Variants in GALNT18 observed in about 807,000 individuals in gnomAD.
The protein encoded by GALNT18 is polypeptide N-acetylgalactosaminyltransferase 18.
In GALNT18, 44 loss-of-function variants were observed where a neutral mutation model predicts 69.5. The ratio of observed to expected loss-of-function variants is 0.63; its 90% CI spans 0.50 to 0.81. The LOEUF (loss-of-function observed/expected upper bound fraction) is 0.81, where lower values mean the gene tolerates loss of function less well. Ranked by LOEUF, GALNT18 falls within the 40% of genes least tolerant of loss-of-function variation. The probability of loss-of-function intolerance (pLI) is 0.00; values close to 1 mark genes in which losing one functional copy is unlikely to be tolerated. For missense variants in GALNT18, 715 were observed against 810.0 expected (o/e 0.88, Z 1.42); for synonymous variants, 364 against 318.2 (o/e 1.14, Z -1.53).
Position 11,315,546 on chromosome 11 carries a change from T to C in GALNT18, c.1512+11540A>G, listed in dbSNP as rs372954132. Among the ~76,000 whole-genome samples, 77 of 152,216 alleles carry C rather than the reference T, an allele frequency of 5.1e-4. 3 individuals are homozygous for C. The South Asian group carries it at 0.015, about 30-fold the overall frequency. ...CAGGTTTTCAGCCCAACTCTTAGCC[T>C]CCGATGTCCCCTTTCTTCACCCGTG... is the stretch of plus-strand genomic sequence containing the variant. On this transcript the variant is annotated intron_variant, in intron 9 of 10. Coordinates refer to ENST00000227756, the MANE Select transcript of GALNT18 (RefSeq NM_198516.3). The surrounding 1 kb of genome is among the most constrained non-coding windows in gnomAD (Gnocchi z 5.6).
Position 11,315,996 on chromosome 11 carries a change from G to A in GALNT18, c.1512+11090C>T, listed in dbSNP as rs12419084. ...GACATGAATGGTGGCCCCTGGAACC[G>A]TGCGAGGTGACAGCTCAGAGGACAA... On this transcript the variant is annotated intron_variant, in intron 9 of 10. Transcript: ENST00000227756. The surrounding 1 kb of genome is among the most constrained non-coding windows in gnomAD (Gnocchi z 5.6). Among the ~76,000 whole-genome samples the A allele has an allele frequency of 0.24, 36,945 of 152,096 alleles. 4,757 individuals carry two copies. The highest frequency in any genetic ancestry group is 0.26 in the Non-Finnish European group (17,702 of 67,996).
chr11:11,336,690 CTG>C (rs747706071), intron 7 of GALNT18, among the ~76,000 whole-genome samples: 1 of 152,160 alleles, frequency 6.6e-6, no homozygotes, highest in Non-Finnish European at 1.5e-5. Context: ...CCTAGGGAAA[CTG>C]TGTGAAGCAT....
At position 11,270,957 on chromosome 11, in the gene GALNT18, ATACCATCACC is replaced by A. The variant is rs1449859329; in HGVS notation, c.*177_*186del. ...TACAACTGCAAAATAGTTTGATATC[ATACCATCACC>A]TACCAATCAGCATCTTTCTATAAAC... is the stretch of plus-strand genomic sequence containing the variant. On this transcript the variant is annotated 3_prime_UTR_variant, in exon 11 of 11. Transcript: ENST00000227756. 2.0e-6 allele frequency: 1 copy of A among 501,986 alleles called. No individual in the cohort carries two copies. Among genetic ancestry groups the A allele is most frequent in the East Asian group, 2.9e-5 (1 of 34,734 alleles). The allele number at this position is 501,986 out of a possible 1,614,324, so 31.1% of individuals were successfully genotyped here.
rs1049948471 is a variant in GALNT18, at chr11:11,387,462, C to G, written c.596-8198G>C. Among the ~76,000 whole-genome samples, 5 of 152,182 alleles carry G rather than the reference C, an allele frequency of 3.3e-5. No homozygotes were observed. The highest frequency in any genetic ancestry group is 7.3e-5 in the Non-Finnish European group (5 of 68,034). ...ACACCCCACCCACACCCCCACTAAT[C>G]CACCTCCCACTGACAAGTGCAATTA... On this transcript the variant is annotated intron_variant, in intron 3 of 10. Coordinates refer to ENST00000227756, the MANE Select transcript of GALNT18 (RefSeq NM_198516.3). The surrounding 1 kb of genome is among the most constrained non-coding windows in gnomAD (Gnocchi z 4.6).
chr11:11,615,294 C>A (rs1232869347), intron 1 of GALNT18, among the ~76,000 whole-genome samples: 2 of 152,140 alleles, frequency 1.3e-5, no homozygotes, highest in Non-Finnish European at 2.9e-5. Context: ...TCTTAGCAAC[C>A]ATAAATGATT....
At chr11:11,297,083 C>T (rs773137030) in intron 9 of GALNT18, among the ~76,000 whole-genome samples, 1 of 152,032 alleles carries the variant, frequency 6.6e-6, no homozygotes, top group Non-Finnish European at 1.5e-5. Flanking sequence ...ATCTGGAATG[C>T]CTGGAGACAT....
intron 6 of GALNT18, among the ~76,000 whole-genome samples, chr11:11,349,373 CTG>C (rs1850358430): frequency 6.6e-6 from 1 of 152,182 alleles, no homozygotes; most frequent in Admixed American, 6.5e-5. Flanking sequence ...AAAAGTGACA[CTG>C]TTCCAAATAA....
chr11:11,379,762 C>T (rs576907308), intron 3 of GALNT18, among the ~76,000 whole-genome samples: 1 of 152,346 alleles, frequency 6.6e-6, no homozygotes, highest in East Asian at 1.9e-4. Flanking sequence ...CCGCTCTCTG[C>T]CTGGATCTCC....
Position 11,480,668 on chromosome 11 carries a change from A to T in GALNT18, c.236-31732T>A, listed in dbSNP as rs1426870212. Among the ~76,000 whole-genome samples, 2 of 152,186 alleles carry T rather than the reference A, an allele frequency of 1.3e-5. No homozygotes were observed. Among genetic ancestry groups the T allele is most frequent in the East Asian group, 3.9e-4 (2 of 5,194 alleles). Reference sequence around the variant, plus strand: ...GGGGATCACTGAGAGCAGAGAAGTGACATTGAGAGGCTGGCTTCAGCCTCC... The same window carrying T: ...GGGGATCACTGAGAGCAGAGAAGTGTCATTGAGAGGCTGGCTTCAGCCTCC... On this transcript the variant is annotated intron_variant, in intron 1 of 10. Transcript: ENST00000227756. The surrounding 1 kb of genome is among the most constrained non-coding windows in gnomAD (Gnocchi z 4.6).
At chr11:11,360,911 A>G (rs530439125) in intron 6 of GALNT18, among the ~76,000 whole-genome samples, 1 of 152,232 alleles carries the variant, frequency 6.6e-6, no homozygotes, top group Non-Finnish European at 1.5e-5. Flanking sequence ...TAAAAGGTGT[A>G]GCAGGTTGAG....
At chr11:11,352,608 AG>A in intron 6 of GALNT18, 1 of 1,614,216 alleles carries the variant, frequency 6.2e-7, no homozygotes, top group South Asian at 1.1e-5. Flanking sequence ...TATTAGTCGT[AG>A]CTTTCTGTGC....
chr11:11,434,043 G>A (rs1001099633), intron 2 of GALNT18, among the ~76,000 whole-genome samples: 1 of 152,024 alleles, frequency 6.6e-6, no homozygotes, highest in Admixed American at 6.6e-5. Context: ...TGCAGAATAG[G>A]AATGGGCCTG....
intron 10 of GALNT18, among the ~76,000 whole-genome samples, chr11:11,274,023 C>G (rs929729735): frequency 1.3e-5 from 2 of 152,096 alleles, no homozygotes; most frequent in Non-Finnish European, 1.5e-5. Context: ...GTGGGTGTAG[C>G]CCACGGAGGA....
chr11:11,381,253 T>C (rs982605160), intron 3 of GALNT18, among the ~76,000 whole-genome samples: 1 of 152,288 alleles, frequency 6.6e-6, no homozygotes, highest in East Asian at 1.9e-4. Flanking sequence ...TTTTGAAAAA[T>C]TTAAATAGAG....
chr11:11,565,398 T>TA (rs1207053221), intron 1 of GALNT18, among the ~76,000 whole-genome samples: 2 of 152,202 alleles, frequency 1.3e-5, no homozygotes, highest in Non-Finnish European at 2.9e-5. Context: ...AGGGTTCTGG[T>TA]ATGCCTGTGG....
At chr11:11,311,433 T>C (rs1849672959) in intron 9 of GALNT18, among the ~76,000 whole-genome samples, 1 of 152,146 alleles carries the variant, frequency 6.6e-6, no homozygotes, top group Admixed American at 6.5e-5. Flanking sequence ...TGCAAGACCA[T>C]TTTGAATGGG....
Position 11,389,683 on chromosome 11 carries a change from A to G in GALNT18, c.596-10419T>C, listed in dbSNP as rs2133712149. On this transcript the variant is annotated intron_variant, in intron 3 of 10. Transcript: ENST00000227756. This position sits in a 1 kb window ranked among gnomAD's most constrained non-coding sequence, Gnocchi z 4.3. ...GAGTACTGAGAAGAGTCCTCCCATG[A>G]GCTTCTAGGGAGGGCGTACCAAGAA... Among the ~76,000 whole-genome samples the G allele has an allele frequency of 6.6e-6, 1 of 152,224 alleles. No homozygotes were observed. Among genetic ancestry groups the G allele is most frequent in the East Asian group, 1.9e-4 (1 of 5,160 alleles).
chr11:11,434,702 C>T (rs1006015546), intron 2 of GALNT18, among the ~76,000 whole-genome samples: 1 of 151,812 alleles, frequency 6.6e-6, no homozygotes, highest in African/African-American at 2.4e-5. Context: ...GAGGAGGGAA[C>T]CAGCTGATTT....
rs145122557 is a variant in GALNT18, at chr11:11,383,816, C to CCT, written c.596-4554_596-4553dup. The stretch of plus-strand genomic sequence containing the variant: ...ATCTGATGGTTTAAGTGTGGCACTT[C>CCT]CTCTCTCTCTCTCTCTCTCTCTCTG... On this transcript the variant is annotated intron_variant, in intron 3 of 10. Coordinates refer to ENST00000227756, the MANE Select transcript of GALNT18 (RefSeq NM_198516.3). This position sits in a 1 kb window ranked among gnomAD's most constrained non-coding sequence, Gnocchi z 5.2. 0.53 allele frequency among the ~76,000 whole-genome samples: 78,574 copies of CCT among 147,630 alleles called. 21,527 individuals are homozygous for CCT. Among genetic ancestry groups the CCT allele is most frequent in the Middle Eastern group, 0.67 (188 of 280 alleles).
Sources: gnomAD v4.1 joint callset for allele counts (sites outside exome capture counted in the v4.1 genomes callset) on GRCh38, gnomAD v4.1.1 for gene constraint, Gnocchi (gnomAD v3.1) non-coding constraint, MANE v1.5 for transcripts, NCBI Gene and HGNC (gene_info 2026-07-23, HGNC 2026-07-21) for gene names.